PCDHA10: variants seen among roughly 807,000 people sequenced by gnomAD.
PCDHA10 encodes protocadherin alpha 10, also known as protocadherin alpha-10.
PCDHA10 carries 45 observed loss-of-function variants against 61.2 expected under a neutral mutation model. The ratio of observed to expected loss-of-function variants is 0.74; its 90% CI spans 0.58 to 0.94. The LOEUF is 0.94. Ranked by LOEUF, PCDHA10 falls within the 40% of genes least tolerant of loss-of-function variation. The pLI is 0.00. For synonymous variants in PCDHA10, 602 were observed against 548.8 expected (o/e 1.10, Z -1.35); for missense variants, 1,278 against 1,236.2 (o/e 1.03, Z -0.51).
chr5:140,860,895 G>A (rs185431284), intron 1 of PCDHA10: 2,100 of 152,348 alleles, frequency 0.014, 26 homozygotes, highest in Non-Finnish European at 0.02. Flanking sequence ...CCGCCAACAC[G>A]CCAGGCTAAT....
At chr5:140,919,498 C>A (rs1433099544) in intron 1 of PCDHA10, among the ~76,000 whole-genome samples, 1 of 152,022 alleles carries the variant, frequency 6.6e-6, no homozygotes, top group Non-Finnish European at 1.5e-5. Context: ...TTATTTTACT[C>A]CTTTTTCTAT....
intron 1 of PCDHA10, among the ~76,000 whole-genome samples, chr5:140,922,896 A>C (rs551056851): frequency 1.6e-3 from 238 of 152,336 alleles, no homozygotes; most frequent in Non-Finnish European, 2.0e-3. Context: ...TTCAAGAAAA[A>C]ATTTTGAGAT....
At chr5:140,915,732 G>A (rs1454734995) in intron 1 of PCDHA10, among the ~76,000 whole-genome samples, 2 of 151,870 alleles carry the variant, frequency 1.3e-5, no homozygotes, top group East Asian at 3.9e-4. Flanking sequence ...ATTGTGCTGG[G>A]TCAGACCTAT....
chr5:140,937,229 G>A (rs2091424119), intron 1 of PCDHA10, among the ~76,000 whole-genome samples: 1 of 151,784 alleles, frequency 6.6e-6, no homozygotes, highest in Non-Finnish European at 1.5e-5. Flanking sequence ...TGTAGAGACG[G>A]GGTTTCACCG....
chr5:140,869,758 A>AAACC, intron 1 of PCDHA10: 1 of 1,613,288 alleles, frequency 6.2e-7, no homozygotes, highest in Non-Finnish European at 8.5e-7. Context: ...AGACGGGGGA[A>AAACC]AACCAGAGCT....
chr5:140,879,879 G>A lies in PCDHA10; in HGVS notation c.2388+21443G>A, dbSNP rs564256513. Among the ~76,000 whole-genome samples the A allele has an allele frequency of 4.6e-5, 7 of 152,240 alleles. No individual in the cohort carries two copies. In the South Asian group the frequency reaches 1.5e-3, roughly 32 times the overall value. On this transcript the variant is annotated intron_variant, in intron 1 of 3. Coordinates refer to ENST00000307360, the MANE Select transcript of PCDHA10 (RefSeq NM_018901.4). ...CCTTCTCAGCTTTCATGGTCACATT[G>A]CCTCCTCCTCTCCATGTCTCTCTCT... is the stretch of plus-strand genomic sequence containing the variant.
At chr5:140,869,617 C>T (rs782525218) in intron 1 of PCDHA10, 3 of 1,613,828 alleles carry the variant, frequency 1.9e-6, no homozygotes, top group Non-Finnish European at 2.5e-6. Context: ...GACCTACAGG[C>T]TAAGTAAAAA....
At chr5:140,889,156 G>T in intron 1 of PCDHA10, among the ~76,000 whole-genome samples, 1 of 150,034 alleles carries the variant, frequency 6.7e-6, no homozygotes, top group Admixed American at 6.6e-5. Flanking sequence ...TTTCTTCTTT[G>T]TTAAGTATTC....
At chr5:140,948,227 A>G (rs1214697523) in intron 1 of PCDHA10, among the ~76,000 whole-genome samples, 17 of 151,634 alleles carry the variant, frequency 1.1e-4, no homozygotes, top group African/African-American at 4.1e-4. Flanking sequence ...GTTAGATTTA[A>G]CTTGTATTTT....
intron 1 of PCDHA10, among the ~76,000 whole-genome samples, chr5:140,960,541 C>G (rs1200507322): frequency 6.6e-6 from 1 of 151,924 alleles, no homozygotes; most frequent in African/African-American, 2.4e-5. Context: ...GAAACTGTGG[C>G]CTTCATATAG....
intron 1 of PCDHA10, among the ~76,000 whole-genome samples, chr5:140,961,406 G>C (rs1046743232): frequency 4.6e-5 from 7 of 152,008 alleles, no homozygotes; most frequent in Non-Finnish European, 1.0e-4. Flanking sequence ...AACACTTTTT[G>C]GCATGTTATT....
At chr5:140,971,209 C>T (rs147218200) in intron 1 of PCDHA10, among the ~76,000 whole-genome samples, 3 of 152,118 alleles carry the variant, frequency 2.0e-5, no homozygotes, top group African/African-American at 7.2e-5. Context: ...ACACTGTTAC[C>T]CTCCCTCTCC....
intron 1 of PCDHA10, among the ~76,000 whole-genome samples, chr5:140,899,416 G>T (rs1442946841): frequency 6.6e-6 from 1 of 152,148 alleles, no homozygotes; most frequent in Admixed American, 6.5e-5. Flanking sequence ...GTTGAATTTT[G>T]TCAAAGGTCT....
At chr5:140,941,950 A>C (rs2093203816) in intron 1 of PCDHA10, among the ~76,000 whole-genome samples, 1 of 152,172 alleles carries the variant, frequency 6.6e-6, no homozygotes, top group Admixed American at 6.5e-5. Context: ...TTTGTTTTGA[A>C]AACAATAGTA....
rs116346509 is a variant in PCDHA10 at position 140,904,582 on chromosome 5, G to A, written c.2388+46146G>A. ...TTTTTTTCCTCTGGGTAGACACCCA[G>A]TAGTGGGACTGCTGGATCAAATAGT... On this transcript the variant is annotated intron_variant, in intron 1 of 3. Transcript: ENST00000307360. Among the ~76,000 whole-genome samples, 650 of 152,092 alleles carry A rather than the reference G, an allele frequency of 4.3e-3. 5 individuals are homozygous for A. The highest frequency in any genetic ancestry group is 5.5e-3 in the Non-Finnish European group (373 of 67,986).
intron 1 of PCDHA10, chr5:140,860,872 G>C (rs923006368): frequency 1.3e-5 from 2 of 152,288 alleles, no homozygotes; most frequent in African/African-American, 4.8e-5. Context: ...GGAGTAGCTG[G>C]GACTACAGGT....
At chr5:140,902,406 T>A (rs1166768605) in intron 1 of PCDHA10, among the ~76,000 whole-genome samples, 1 of 152,088 alleles carries the variant, frequency 6.6e-6, no homozygotes, top group Non-Finnish European at 1.5e-5. Flanking sequence ...AATACTATGT[T>A]GAATAACAGT....
chr5:140,879,557 T>C (rs1554170871), intron 1 of PCDHA10, among the ~76,000 whole-genome samples: 1 of 152,152 alleles, frequency 6.6e-6, no homozygotes, highest in Non-Finnish European at 1.5e-5. Flanking sequence ...AAATAATCCA[T>C]GAAAGAATAA....
chr5:140,871,137 T>C, intron 1 of PCDHA10: 1 of 1,613,416 alleles, frequency 6.2e-7, no homozygotes, highest in East Asian at 2.2e-5. Flanking sequence ...CAAAGGCCTC[T>C]TCCCGGACTT....
Sources: allele counts gnomAD v4.1 joint callset (sites outside exome capture counted in the v4.1 genomes callset), GRCh38; gene constraint gnomAD v4.1.1; transcripts MANE v1.5; gene names NCBI Gene and HGNC (gene_info 2026-07-23, HGNC 2026-07-21).